Variants in CREBBP observed in about 807,000 individuals in gnomAD.
The protein encoded by CREBBP is CREB binding lysine acetyltransferase.
CREBBP carries 19 observed loss-of-function variants against 265.0 expected under a neutral mutation model. The observed-to-expected ratio is 0.07, with a 90% CI of 0.05 to 0.11. The LOEUF (loss-of-function observed/expected upper bound fraction) is 0.11. Ranked by LOEUF, CREBBP falls within the 10% of genes least tolerant of loss-of-function variation. The pLI, the probability that CREBBP is intolerant of heterozygous loss-of-function variation, is 1.00. For missense variants in CREBBP, 2,525 were observed against 3,219.0 expected, an observed-to-expected ratio of 0.78 and a Z score of 5.22; for synonymous variants, 1,457 against 1,223.7, an observed-to-expected ratio of 1.19 and a Z score of -3.98.
chr16:3,841,880 T>C (rs2054572919), intron 2 of CREBBP, among the ~76,000 whole-genome samples: 1 of 152,094 alleles, frequency 6.6e-6, no homozygotes, highest in Non-Finnish European at 1.5e-5. Flanking sequence ...ATCAGAAACT[T>C]GGTAAGTTGG....
At chr16:3,767,347 G>T in intron 16 of CREBBP, 1 of 252,226 alleles carries the variant, frequency 4.0e-6, no homozygotes, top group African/African-American at 2.3e-5. Context: ...TGGCTTTTTT[G>T]GTTATTCTCC....
intron 2 of CREBBP, among the ~76,000 whole-genome samples, chr16:3,848,778 C>G (rs954522312): frequency 6.6e-6 from 1 of 152,156 alleles, no homozygotes; most frequent in Non-Finnish European, 1.5e-5. Context: ...CTCCAGGAAC[C>G]ATAAACCCAT....
intron 2 of CREBBP, among the ~76,000 whole-genome samples, chr16:3,838,212 C>T (rs2054494858): frequency 6.6e-6 from 1 of 152,140 alleles, no homozygotes. Flanking sequence ...GGTTTATAAA[C>T]ACTTAGCATT....
chr16:3,729,004 T>C lies in CREBBP; in HGVS notation c.6043A>G (p.Ser2015Gly). The change falls in exon 31 of 31, where the codon AGC becomes GGC. Residue 2015 changes from serine (S) to glycine (G), a missense_variant. Transcript: ENST00000262367. ...TGCTGCCACTGCCCGGGAGGCATGC[T>C]GGGCATGACGGGCCCGCTCACCTGG... ...PNQVSGPVMP[S>G]MPPGQWQQAP... 1.3e-6 allele frequency: 2 copies of C among 1,594,320 alleles called. No individual in the cohort carries two copies. Among genetic ancestry groups the C allele is most frequent in the Non-Finnish European group, 1.7e-6 (2 of 1,175,826 alleles).
In CREBBP at chr16:3,737,252, T is replaced by TCAGAAAGGAATGGGG. The variant is rs371122979; in HGVS notation, c.4395-438_4395-437insCCCCATTCCTTTCTG. Among the ~76,000 whole-genome samples, 478 of 151,810 alleles carry TCAGAAAGGAATGGGG rather than the reference T, an allele frequency of 3.1e-3. 5 individuals carry two copies. Among genetic ancestry groups the TCAGAAAGGAATGGGG allele is most frequent in the African/African-American group, 0.011 (464 of 41,180 alleles). ...CAAATGCCCCTATCCTTTTCAAGTT[T>TCAGAAAGGAATGGGG]CAGAAGGGAATGGGGCAGGTCTAGA... On this transcript the variant is annotated intron_variant, in intron 26 of 30. Transcript: ENST00000262367.
intron 1 of CREBBP, among the ~76,000 whole-genome samples, chr16:3,869,071 G>A (rs2055238916): frequency 1.3e-5 from 2 of 152,152 alleles, no homozygotes. Context: ...ACCCTGCTAT[G>A]AGTGCTGTTC....
chr16:3,780,308 A>G (rs1381607961), intron 8 of CREBBP, among the ~76,000 whole-genome samples: 2 of 152,050 alleles, frequency 1.3e-5, no homozygotes, highest in African/African-American at 2.4e-5. Flanking sequence ...GTAAGGTGAT[A>G]ATGACATGCC....
intron 5 of CREBBP, among the ~76,000 whole-genome samples, chr16:3,790,625 C>T (rs1194484966): frequency 1.3e-5 from 2 of 152,168 alleles, no homozygotes; most frequent in Non-Finnish European, 2.9e-5. Context: ...GTTGGGATTA[C>T]AGGCGTGAGC....
chr16:3,750,211 C>T (rs887345244), intron 20 of CREBBP, among the ~76,000 whole-genome samples: 2 of 152,134 alleles, frequency 1.3e-5, no homozygotes, highest in African/African-American at 2.4e-5. Flanking sequence ...CTATGTTGCT[C>T]AGGCAACAAT....
Position 3,793,567 on chromosome 16 carries a change from A to T in CREBBP, c.1035T>A (p.Thr345=). Residue 345 remains threonine, a synonymous_variant, in exon 4 of 31, where the codon ACT becomes ACA. Coordinates refer to ENST00000262367, the MANE Select transcript of CREBBP (RefSeq NM_004380.3). The part of the protein sequence containing the change: ...VPTQAIATGP[T]ADPEKRKLIQ... Reference sequence around the variant, plus strand: ...TCAGTTTGCGTTTTTCAGGATCTGCAGTGGGGCCTGTTGCAATTGCTTGTG... The same window carrying T: ...TCAGTTTGCGTTTTTCAGGATCTGCTGTGGGGCCTGTTGCAATTGCTTGTG... 6.2e-7 allele frequency: 1 copy of T among 1,614,064 alleles called. No homozygotes were observed. Among genetic ancestry groups the T allele is most frequent in the Non-Finnish European group, 8.5e-7 (1 of 1,180,036 alleles).
rs1199875893 is a variant in CREBBP at position 3,726,801 on chromosome 16, CAAG to C, written c.*914_*916del. On this transcript the variant is annotated 3_prime_UTR_variant, in exon 31 of 31. Transcript: ENST00000262367. ...AGTGTTAATACCATGTACATGAATT[CAAG>C]AAGGACCACCCTTTTTGTCTGTTGC... is the stretch of plus-strand genomic sequence containing the variant. The C allele has an allele frequency of 2.0e-4, 46 of 233,508 alleles. No homozygotes were observed. In the East Asian group the frequency reaches 2.4e-3, roughly 12 times the overall value. The allele number at this position is 233,508 out of a possible 1,614,324, so 14.5% of individuals were successfully genotyped here.
chr16:3,877,782 G>A (rs1400609370), intron 1 of CREBBP, among the ~76,000 whole-genome samples: 1 of 152,186 alleles, frequency 6.6e-6, no homozygotes, highest in Non-Finnish European at 1.5e-5. Flanking sequence ...ATAGTGTGAT[G>A]GTGATGAATG....
chr16:3,757,658 C>G, intron 18 of CREBBP, 151 bp downstream of exon 18: 1 of 1,189,002 alleles, frequency 8.4e-7, no homozygotes, highest in Non-Finnish European at 1.2e-6. Context: ...TCTGATCACC[C>G]ATCACATCGC....
At chr16:3,749,019 C>T (rs573087665) in intron 21 of CREBBP, among the ~76,000 whole-genome samples, 46 of 152,134 alleles carry the variant, frequency 3.0e-4, no homozygotes, top group Non-Finnish European at 5.6e-4. Context: ...TGGTGGTGGG[C>T]GCCTGTAGTC....
intron 1 of CREBBP, among the ~76,000 whole-genome samples, chr16:3,860,186 TGAGTATAGGAATAAAG>T (rs1003466095): frequency 6.6e-6 from 1 of 152,192 alleles, no homozygotes; most frequent in Admixed American, 6.5e-5. Flanking sequence ...CTGTTGACAC[TGAGTATAGGAATAAAG>T]GAGTATAGGA....
intron 5 of CREBBP, among the ~76,000 whole-genome samples, chr16:3,790,366 C>CTTTTTTTTTT (rs57582399): frequency 1.5e-5 from 1 of 66,588 alleles, no homozygotes; most frequent in Non-Finnish European, 2.7e-5. Flanking sequence ...AGGAAACTGG[C>CTTTTTTTTTT]TTTTTTTTTT....
intron 2 of CREBBP, among the ~76,000 whole-genome samples, chr16:3,826,742 G>A (rs560985090): frequency 1.3e-5 from 2 of 152,308 alleles, no homozygotes; most frequent in Admixed American, 6.5e-5. Flanking sequence ...GGCGCCTAAG[G>A]AGACAGGACG....
intron 23 of CREBBP, among the ~76,000 whole-genome samples, chr16:3,744,539 C>T (rs1463712256): frequency 6.6e-6 from 1 of 152,172 alleles, no homozygotes; most frequent in Admixed American, 6.5e-5. Context: ...ATGTTTTACA[C>T]TTGATGAAGA....
chr16:3,848,146 T>C (rs2054707969), intron 2 of CREBBP, among the ~76,000 whole-genome samples: 1 of 149,202 alleles, frequency 6.7e-6, no homozygotes, highest in Admixed American at 6.8e-5. Flanking sequence ...CTCCAGACAC[T>C]GGGCAACAGT....
Sources: gnomAD v4.1 joint callset for allele counts (sites outside exome capture counted in the v4.1 genomes callset) on GRCh38, gnomAD v4.1.1 for gene constraint, MANE v1.5 for transcripts, NCBI Gene and HGNC (gene_info 2026-07-23, HGNC 2026-07-21) for gene names.